FGD6: variants seen among roughly 807,000 people sequenced by gnomAD.
FGD6 encodes FYVE, RhoGEF and PH domain-containing protein 6.
In FGD6, 90 loss-of-function variants were observed where a neutral mutation model predicts 149.4. That is an observed-to-expected ratio of 0.60 (90% confidence interval 0.51 to 0.72). The LOEUF is 0.72. Among genes scored for constraint, FGD6 ranks in the 30% least tolerant of loss-of-function variants. The pLI, the probability that FGD6 is intolerant of heterozygous loss-of-function variation, is 0.00. For missense variants in FGD6, 1,437 were observed against 1,684.8 expected (o/e 0.85, Z 2.57); for synonymous variants, 527 against 584.0 (o/e 0.90, Z 1.41).
intron 8 of FGD6, among the ~76,000 whole-genome samples, chr12:95,116,155 C>T (rs1879004767): frequency 6.6e-6 from 1 of 152,162 alleles, no homozygotes; most frequent in African/African-American, 2.4e-5. Flanking sequence ...AATATTCTCA[C>T]TCTGACCCCA....
intron 2 of FGD6, among the ~76,000 whole-genome samples, chr12:95,184,124 C>A (rs73372389): frequency 0.013 from 2,027 of 152,152 alleles, 35 homozygotes; most frequent in East Asian, 0.066. Flanking sequence ...ATATACAGAC[C>A]CCACTATAAT....
At chr12:95,186,217 ATAT>A (rs1456829228) in intron 2 of FGD6, among the ~76,000 whole-genome samples, 4 of 115,982 alleles carry the variant, frequency 3.4e-5, no homozygotes, top group Non-Finnish European at 5.5e-5. Context: ...AATGCTTCTT[ATAT>A]TCTTCTTCTT....
At chr12:95,178,451 C>T (rs1262341729) in intron 2 of FGD6, among the ~76,000 whole-genome samples, 4 of 152,024 alleles carry the variant, frequency 2.6e-5, no homozygotes, top group Admixed American at 6.6e-5. Flanking sequence ...ACTGCTTTCA[C>T]AAAAAAGAAA....
At chr12:95,141,580 T>A in intron 5 of FGD6, 41 bp from the exon 6 acceptor site, 1 of 1,605,834 alleles carries the variant, frequency 6.2e-7, no homozygotes, top group Non-Finnish European at 8.5e-7. Flanking sequence ...CACACACATG[T>A]AACTTGATAA....
intron 15 of FGD6, among the ~76,000 whole-genome samples, chr12:95,094,171 AG>A (rs1878164030): frequency 6.6e-6 from 1 of 151,856 alleles, no homozygotes. Context: ...AAAAAAAAAA[AG>A]AAAGAAAAAG....
chr12:95,188,892 C>T (rs572970441), intron 2 of FGD6, among the ~76,000 whole-genome samples: 117 of 151,816 alleles, frequency 7.7e-4, no homozygotes, highest in South Asian at 3.3e-3. Context: ...TCTGCTCTTC[C>T]CACAAAATGC....
chr12:95,131,778 T>C (rs2136255971), intron 8 of FGD6, among the ~76,000 whole-genome samples: 1 of 152,236 alleles, frequency 6.6e-6, no homozygotes, highest in East Asian at 1.9e-4. Flanking sequence ...TATAAGGTAT[T>C]GTGCAACAAT....
In FGD6 at chr12:95,092,740, T is replaced by A. The variant is rs775340107; in HGVS notation, c.3706A>T (p.Thr1236Ser). The change falls in exon 16 of 21, where the codon ACT becomes TCT. Residue 1236 changes from threonine to serine, a missense_variant. By Grantham distance (58) the Thr-to-Ser change is moderately conservative. Coordinates refer to ENST00000343958, the MANE Select transcript of FGD6 (RefSeq NM_018351.4). Reference sequence around the variant, plus strand: ...CAGTGGTGTCGTCTCCAGGTGAGAGTGAATTCGCTTGTGCAGATCATACAC... The same window carrying A: ...CAGTGGTGTCGTCTCCAGGTGAGAGAGAATTCGCTTGTGCAGATCATACAC... ...TMCMICTSEF[T>S]LTWRRHHCRA... 3 of 1,613,710 alleles carry A rather than the reference T, an allele frequency of 1.9e-6. No individual in the cohort carries two copies. The South Asian group carries it at 3.3e-5, about 18-fold the overall frequency.
intron 2 of FGD6, among the ~76,000 whole-genome samples, chr12:95,198,772 G>A (rs1185577300): frequency 6.6e-6 from 1 of 152,198 alleles, no homozygotes; most frequent in South Asian, 2.1e-4. Flanking sequence ...TGCTATTTAT[G>A]TGAATGGCAC....
chr12:95,190,295 G>A (rs1378109588), intron 2 of FGD6, among the ~76,000 whole-genome samples: 3 of 152,070 alleles, frequency 2.0e-5, no homozygotes, highest in Non-Finnish European at 4.4e-5. Flanking sequence ...TCAGCCTCCC[G>A]AGTAGCTGAG....
intron 9 of FGD6, 120 bp from the exon 10 acceptor site, chr12:95,108,681 C>T: frequency 6.3e-6 from 7 of 1,119,154 alleles, no homozygotes; most frequent in Non-Finnish European, 9.1e-6. Context: ...TCTGGAGGAG[C>T]TTATTGACTG....
chr12:95,123,635 T>C (rs11107905), intron 8 of FGD6, among the ~76,000 whole-genome samples: 95,412 of 151,298 alleles, frequency 0.63, 30,351 homozygotes, highest in East Asian at 0.68. Flanking sequence ...TATCTCTGCT[T>C]ACTGCAAGCT....
At chr12:95,188,037 G>A (rs1479125102) in intron 2 of FGD6, among the ~76,000 whole-genome samples, 1 of 152,112 alleles carries the variant, frequency 6.6e-6, no homozygotes, top group Non-Finnish European at 1.5e-5. Context: ...GCTTAATAAT[G>A]ATCACATTGA....
chr12:95,174,052 T>C (rs376125161), intron 2 of FGD6, among the ~76,000 whole-genome samples: 1 of 152,232 alleles, frequency 6.6e-6, no homozygotes, highest in East Asian at 1.9e-4. Flanking sequence ...CATTACTCAA[T>C]GGCTGGGGCC....
chr12:95,085,587 C>G, intron 19 of FGD6, 193 bp downstream of exon 19: 1 of 558,286 alleles, frequency 1.8e-6, no homozygotes, highest in Middle Eastern at 4.9e-4. Context: ...ATTCCTAACA[C>G]ATTTGAGAAA....
At chr12:95,126,285 C>T (rs1035552112) in intron 8 of FGD6, 2 of 1,427,764 alleles carry the variant, frequency 1.4e-6, no homozygotes, top group Non-Finnish European at 2.0e-6. Flanking sequence ...GGTTCCTGCC[C>T]AGAAAGCCAC....
At position 95,131,792 on chromosome 12, in the gene FGD6, C is replaced by T. The variant is rs115922894; in HGVS notation, c.3082+2947G>A. On this transcript the variant is annotated intron_variant, in intron 8 of 20. Coordinates refer to ENST00000343958, the MANE Select transcript of FGD6 (RefSeq NM_018351.4). ...ATATAAGGTATTGTGCAACAATTAA[C>T]GAATGGAAAAGCCGAGGTGGGCAGA... Among the ~76,000 whole-genome samples, 839 of 152,174 alleles carry T rather than the reference C, an allele frequency of 5.5e-3. 6 individuals carry two copies. The highest frequency in any genetic ancestry group is 0.018 in the African/African-American group (758 of 41,514).
intron 5 of FGD6, among the ~76,000 whole-genome samples, chr12:95,149,296 TA>T (rs1676040957): frequency 1.1e-5 from 1 of 87,396 alleles, no homozygotes; most frequent in Non-Finnish European, 2.1e-5. Context: ...TAATATTATA[TA>T]TAATATATTA....
intron 2 of FGD6, among the ~76,000 whole-genome samples, chr12:95,206,758 G>A (rs756286386): frequency 1.1e-4 from 16 of 151,668 alleles, no homozygotes; most frequent in Non-Finnish European, 2.2e-4. Flanking sequence ...TTTTGCCTAG[G>A]TACTAATATT....
Sources: allele counts gnomAD v4.1 joint callset (sites outside exome capture counted in the v4.1 genomes callset), GRCh38; gene constraint gnomAD v4.1.1; transcripts MANE v1.5; gene names NCBI Gene and HGNC (gene_info 2026-07-23, HGNC 2026-07-21).